Variants in KIRREL3 observed in about 807,000 individuals in gnomAD.
The protein encoded by KIRREL3 is kin of IRRE-like protein 3.
A neutral mutation model predicts 89.7 loss-of-function variants in KIRREL3; 36 were observed. The ratio of observed to expected loss-of-function variants is 0.40; its 90% CI spans 0.31 to 0.53. KIRREL3 has a LOEUF of 0.53. Among genes scored for constraint, KIRREL3 ranks in the 20% least tolerant of loss-of-function variants. The pLI, the probability that KIRREL3 is intolerant of heterozygous loss-of-function variation, is 0.49. For missense variants in KIRREL3, 864 were observed against 1,056.6 expected, an observed-to-expected ratio of 0.82 and a Z score of 2.53; for synonymous variants, 445 against 441.4, an observed-to-expected ratio of 1.01 and a Z score of -0.10.
chr11:126,998,861 G>C (rs1184636416), intron 1 of KIRREL3, among the ~76,000 whole-genome samples: 1 of 152,014 alleles, frequency 6.6e-6, no homozygotes, highest in Non-Finnish European at 1.5e-5. Flanking sequence ...CTCCTTCTCA[G>C]GGGTTCTATA....
intron 1 of KIRREL3, among the ~76,000 whole-genome samples, chr11:126,699,712 G>A (rs1370543438): frequency 1.3e-5 from 2 of 152,280 alleles, no homozygotes; most frequent in African/African-American, 2.4e-5. Context: ...AGTGATGAGT[G>A]TATCAGATGG....
chr11:126,838,423 C>T (rs1943850015), intron 1 of KIRREL3, among the ~76,000 whole-genome samples: 1 of 152,340 alleles, frequency 6.6e-6, no homozygotes, highest in African/African-American at 2.4e-5. Context: ...AAAGAAATCT[C>T]TGCCATAGTG....
intron 2 of KIRREL3, among the ~76,000 whole-genome samples, chr11:126,560,607 A>G (rs746871743): frequency 2.9e-4 from 44 of 152,224 alleles, no homozygotes; most frequent in Non-Finnish European, 6.2e-4. Context: ...AGAAAATAAA[A>G]GGACACCAAA....
rs916516089 is a variant in KIRREL3, at chr11:126,983,132, T to A, written c.55+17323A>T. Among the ~76,000 whole-genome samples, 3 of 152,102 alleles carry A rather than the reference T, an allele frequency of 2.0e-5. No homozygotes were observed. Among genetic ancestry groups the A allele is most frequent in the Non-Finnish European group, 4.4e-5 (3 of 68,008 alleles). ...ATTTGATAATCCCCATAGATATACA[T>A]GGGGAAGGTCATTTTTTCTAACTTA... On this transcript the variant is annotated intron_variant, in intron 1 of 16. Transcript: ENST00000525144. This position sits in a 1 kb window ranked among gnomAD's most constrained non-coding sequence, Gnocchi z 4.9.
In KIRREL3 at chr11:126,447,105, G is replaced by A. The variant is rs147379311; in HGVS notation, c.998-219C>T. Among the ~76,000 whole-genome samples, 75 of 152,348 alleles carry A rather than the reference G, an allele frequency of 4.9e-4. 2 individuals are homozygous for A. The highest frequency in any genetic ancestry group is 1.8e-3 in the African/African-American group (74 of 41,576). On this transcript the variant is annotated intron_variant, in intron 8 of 16. Transcript: ENST00000525144. ...GCAAGGAGGAGACCACTCTCCCTGA[G>A]GCTTCGCCTCTCTTGGGCCCATGGA...
chr11:126,636,790 G>A lies in KIRREL3; in HGVS notation c.56-73878C>T, dbSNP rs1463341996. ...CAGCAATAATGCCAACTAGGAGTCC[G>A]GATGATCTGGACTTGAATTTGTATC... On this transcript the variant is annotated intron_variant, in intron 1 of 16. Transcript: ENST00000525144. This position sits in a 1 kb window ranked among gnomAD's most constrained non-coding sequence, Gnocchi z 4.4. Among the ~76,000 whole-genome samples the A allele has an allele frequency of 2.6e-5, 4 of 152,160 alleles. No homozygotes were observed. Among genetic ancestry groups the A allele is most frequent in the Non-Finnish European group, 5.9e-5 (4 of 68,030 alleles).
intron 4 of KIRREL3, among the ~76,000 whole-genome samples, chr11:126,481,646 A>G (rs1359972090): frequency 1.3e-5 from 2 of 152,168 alleles, no homozygotes; most frequent in Non-Finnish European, 2.9e-5. Flanking sequence ...AGCCTGGTTA[A>G]CCCTCTGAAG....
Position 126,594,650 on chromosome 11 carries a change from G to A in KIRREL3, c.56-31738C>T, listed in dbSNP as rs1024134891. Among the ~76,000 whole-genome samples, 3 of 151,594 alleles carry A rather than the reference G, an allele frequency of 2.0e-5. No homozygotes were observed. The highest frequency in any genetic ancestry group is 4.9e-5 in the African/African-American group (2 of 40,914). ...GTGCCTTTAAGAGTGCAATGAGGCC[G>A]CAGCAGAAACTATCTCTAAGGCCAG... On this transcript the variant is annotated intron_variant, in intron 1 of 16. Coordinates refer to ENST00000525144, the MANE Select transcript of KIRREL3 (RefSeq NM_032531.4). The surrounding 1 kb of genome is among the most constrained non-coding windows in gnomAD (Gnocchi z 5.0).
rs2134358046 is a variant in KIRREL3, at chr11:126,498,260, C to T, written c.433+23055G>A. ...CTTTCTTCCCCCAAAATGATGTCAT[C>T]AGCTAAGACAAAAAGAAAAAGAAAA... On this transcript the variant is annotated intron_variant, in intron 4 of 16. Coordinates refer to ENST00000525144, the MANE Select transcript of KIRREL3 (RefSeq NM_032531.4). This position sits in a 1 kb window ranked among gnomAD's most constrained non-coding sequence, Gnocchi z 4.3. 6.6e-6 allele frequency among the ~76,000 whole-genome samples: 1 copy of T among 152,314 alleles called. No homozygotes were observed. The highest frequency in any genetic ancestry group is 2.1e-4 in the South Asian group (1 of 4,828).
chr11:126,649,327 C>T (rs1361616569), intron 1 of KIRREL3, among the ~76,000 whole-genome samples: 2 of 152,104 alleles, frequency 1.3e-5, no homozygotes, highest in Non-Finnish European at 2.9e-5. Context: ...CCCCTCAGTC[C>T]CCCAAATTCT....
At chr11:126,930,612 A>C (rs1383396404) in intron 1 of KIRREL3, among the ~76,000 whole-genome samples, 1 of 152,118 alleles carries the variant, frequency 6.6e-6, no homozygotes, top group Non-Finnish European at 1.5e-5. Flanking sequence ...TCAGCTAAGG[A>C]AGCCTGCTGA....
chr11:126,793,166 G>A (rs1950700033), intron 1 of KIRREL3, among the ~76,000 whole-genome samples: 1 of 140,164 alleles, frequency 7.1e-6, no homozygotes, highest in Non-Finnish European at 1.5e-5. Flanking sequence ...CAGAGGACAA[G>A]ATAATGACCT....
rs1238272126 is a variant in KIRREL3, at chr11:126,527,974, T to C, written c.134-1287A>G. Among the ~76,000 whole-genome samples, 1 of 152,194 alleles carries C rather than the reference T, an allele frequency of 6.6e-6. No homozygotes were observed. The highest frequency in any genetic ancestry group is 1.9e-4 in the East Asian group (1 of 5,198). ...GGCCCACAGTACAACCAGTACTTCA[T>C]ACAACCCCTCCTGTAATCCACTTAA... On this transcript the variant is annotated intron_variant, in intron 2 of 16. Coordinates refer to ENST00000525144, the MANE Select transcript of KIRREL3 (RefSeq NM_032531.4). The surrounding 1 kb of genome is among the most constrained non-coding windows in gnomAD (Gnocchi z 4.2).
chr11:126,931,609 G>A lies in KIRREL3; in HGVS notation c.55+68846C>T, dbSNP rs546714162. 2.1e-3 allele frequency among the ~76,000 whole-genome samples: 317 copies of A among 152,314 alleles called. No individual in the cohort carries two copies. Among genetic ancestry groups the A allele is most frequent in the Non-Finnish European group, 3.4e-3 (229 of 68,032 alleles). On this transcript the variant is annotated intron_variant, in intron 1 of 16. Transcript: ENST00000525144. The surrounding 1 kb of genome is among the most constrained non-coding windows in gnomAD (Gnocchi z 5.1). ...GTTTTATGTCCAAATCTACTTTCTA[G>A]TAGCAAGTATAAGAATGAGGATTCC... is the stretch of plus-strand genomic sequence containing the variant.
At chr11:126,514,385 G>A (rs1443380620) in intron 4 of KIRREL3, among the ~76,000 whole-genome samples, 1 of 152,134 alleles carries the variant, frequency 6.6e-6, no homozygotes, top group Non-Finnish European at 1.5e-5. Context: ...TTTCTTCCCA[G>A]GTGTGCAGCC....
At chr11:126,554,721 C>T (rs551423478) in intron 2 of KIRREL3, among the ~76,000 whole-genome samples, 2 of 152,262 alleles carry the variant, frequency 1.3e-5, no homozygotes, top group South Asian at 4.2e-4. Context: ...AATAACTGGG[C>T]TCCCAGCTAA....
At chr11:126,591,227 C>G (rs762767706) in intron 1 of KIRREL3, among the ~76,000 whole-genome samples, 11 of 152,102 alleles carry the variant, frequency 7.2e-5, no homozygotes, top group Non-Finnish European at 1.6e-4. Context: ...TCCTGTCTCT[C>G]CCACACCTGC....
chr11:126,701,599 ACT>A (rs1427319219), intron 1 of KIRREL3, among the ~76,000 whole-genome samples: 2 of 150,886 alleles, frequency 1.3e-5, no homozygotes, highest in African/African-American at 4.9e-5. Flanking sequence ...CTGCTTAGAA[ACT>A]CTCATGGCAT....
chr11:126,698,672 C>T (rs957585812), intron 1 of KIRREL3, among the ~76,000 whole-genome samples: 2 of 152,242 alleles, frequency 1.3e-5, no homozygotes, highest in African/African-American at 2.4e-5. Context: ...AGAAGCCAGC[C>T]GGGAGTGGTG....
Sources: gnomAD v4.1 joint callset for allele counts (sites outside exome capture counted in the v4.1 genomes callset) on GRCh38, gnomAD v4.1.1 for gene constraint, Gnocchi (gnomAD v3.1) non-coding constraint, MANE v1.5 for transcripts, NCBI Gene and HGNC (gene_info 2026-07-23, HGNC 2026-07-21) for gene names.